RPS27A: variants seen among roughly 807,000 people sequenced by gnomAD.
RPS27A encodes ubiquitin-ribosomal protein eS31 fusion protein.
A neutral mutation model predicts 18.9 loss-of-function variants in RPS27A; 1 was observed. The ratio of observed to expected loss-of-function variants is 0.05; its 90% CI spans 0.02 to 0.25. The LOEUF (loss-of-function observed/expected upper bound fraction) is 0.25. Among genes scored for constraint, RPS27A ranks in the 10% least tolerant of loss-of-function variants. The probability of loss-of-function intolerance (pLI) is 1.00; values close to 1 mark genes in which losing one functional copy is unlikely to be tolerated. For missense variants in RPS27A, 123 were observed against 187.4 expected, an observed-to-expected ratio of 0.66 and a Z score of 2.01; for synonymous variants, 77 against 63.7, an observed-to-expected ratio of 1.21 and a Z score of -0.99.
intron 2 of RPS27A, 193 bp downstream of exon 2, chr2:55,233,065 T>G (rs1458388318): frequency 6.0e-6 from 4 of 671,932 alleles, no homozygotes; most frequent in Middle Eastern, 2.4e-4. Context: ...TGGACCTGTC[T>G]CCTCTCGAGG....
upstream of RPS27A, chr2:55,231,905 G>C (rs142943866): frequency 2.7e-3 from 408 of 152,230 alleles, 2 homozygotes; most frequent in Non-Finnish European, 4.7e-3. Context: ...TGACACACAA[G>C]ACCCAGACTC....
intron 4 of RPS27A, chr2:55,234,512 T>A (rs181077277): frequency 3.7e-6 from 2 of 544,860 alleles, no homozygotes; most frequent in Non-Finnish European, 6.6e-6. Context: ...TTCTGGACAT[T>A]TTGACACACA....
At position 55,232,813 on chromosome 2, in the gene RPS27A, G is replaced by A. The variant is rs779719702; in HGVS notation, c.-12G>A. The A allele has an allele frequency of 6.2e-7, 1 of 1,611,614 alleles. No homozygotes were observed. Among genetic ancestry groups the A allele is most frequent in the East Asian group, 2.2e-5 (1 of 44,838 alleles). On this transcript the variant is annotated 5_prime_UTR_variant, in exon 2 of 6. Coordinates refer to ENST00000272317, the MANE Select transcript of RPS27A (RefSeq NM_002954.6). ...TTCCTTTTCCTCAACCTCAGGTGGA[G>A]CCGCCACCAAAATGCAGATTTTCGT...
rs377730088 is a variant in RPS27A, at chr2:55,233,611, C to T, written c.103+194C>T. 1.3e-5 allele frequency: 8 copies of T among 616,430 alleles called. No individual in the cohort carries two copies. The East Asian group carries it at 1.4e-4, about 11-fold the overall frequency. 38.2% of individuals were successfully genotyped at this position (616,430 alleles called of 1,614,324 possible). On this transcript the variant is annotated intron_variant, in intron 3 of 5. Coordinates refer to ENST00000272317, the MANE Select transcript of RPS27A (RefSeq NM_002954.6). Reference sequence around the variant, plus strand: ...ATTGGAATCCTTGAGGTGTATTTCACTTGCGTGAATTTGGACACTTATTTA... The same window carrying T: ...ATTGGAATCCTTGAGGTGTATTTCATTTGCGTGAATTTGGACACTTATTTA...
At chr2:55,232,733 C>A (rs1675532391) in intron 1 of RPS27A, 25 bp downstream of exon 1, 2 of 1,205,468 alleles carry the variant, frequency 1.7e-6, no homozygotes, top group Admixed American at 2.0e-5. Flanking sequence ...TTCGGCTGCT[C>A]TCGGGTTAGC....
upstream of RPS27A, chr2:55,231,908 C>T (rs1252422180): frequency 6.6e-6 from 1 of 152,040 alleles, no homozygotes; most frequent in African/African-American, 2.4e-5. Flanking sequence ...CACACAAGAC[C>T]CAGACTCTTC....
intron 3 of RPS27A, chr2:55,233,659 C>G: frequency 1.9e-6 from 1 of 537,640 alleles, no homozygotes; most frequent in Non-Finnish European, 3.4e-6. Context: ...GAGATGGAGT[C>G]TCCTCTGTCG....
At chr2:55,233,156 C>T (rs1160947504) in intron 2 of RPS27A, 8 of 652,038 alleles carry the variant, frequency 1.2e-5, no homozygotes, top group Admixed American at 7.3e-5. Context: ...CACGTGTGGC[C>T]CTGCGGCCGC....
Position 55,233,404 on chromosome 2 carries a change from C to G in RPS27A, c.90C>G (p.Ile30Met), listed in dbSNP as rs1426814586. The change falls in exon 3 of 6, where the codon ATC becomes ATG. Residue 30 changes from isoleucine to methionine, a missense_variant. Physicochemically the swap from Ile to Met is conservative, Grantham distance 10. This residue lies in a region of RPS27A where 66 missense variants were observed against 72.6 expected (regional missense o/e 0.91). Coordinates refer to ENST00000272317, the MANE Select transcript of RPS27A (RefSeq NM_002954.6). ...CGATAGAAAATGTAAAGGCCAAGAT[C>G]CAGGATAAGGAAGGCAAGTAGTATT... The part of the protein sequence containing the change: ...SDTIENVKAK[I>M]QDKEGIPPDQ... The G allele has an allele frequency of 1.2e-6, 2 of 1,613,100 alleles. No homozygotes were observed. The highest frequency in any genetic ancestry group is 2.7e-5 in the African/African-American group (2 of 74,996).
At chr2:55,232,673 T>G (rs1573824477), upstream of RPS27A, 2 of 754,420 alleles carry the variant, frequency 2.7e-6, no homozygotes, top group African/African-American at 1.7e-5. Flanking sequence ...CCCGTGGGCC[T>G]GCGCGGCGTT....
chr2:55,232,599 C>A, upstream of RPS27A: 1 of 601,038 alleles, frequency 1.7e-6, no homozygotes, highest in South Asian at 1.9e-5. Context: ...GTCGCTGGGA[C>A]GGCAGTCAGG....
chr2:55,234,724 C>T (rs1573831653), intron 4 of RPS27A, 107 bp from the exon 5 acceptor site: 1 of 1,325,586 alleles, frequency 7.5e-7, no homozygotes, highest in Admixed American at 1.8e-5. Flanking sequence ...AAGATTCCCT[C>T]AAATGTTATT....
intron 4 of RPS27A, 169 bp from the exon 5 acceptor site, chr2:55,234,662 C>A: frequency 2.7e-6 from 2 of 735,886 alleles, no homozygotes; most frequent in Non-Finnish European, 4.6e-6. Flanking sequence ...TCTTTAATGT[C>A]CCTATAAACT....
Position 55,234,176 on chromosome 2 carries a change from G to A in RPS27A, c.161G>A (p.Arg54His), listed in dbSNP as rs1358069546. Residue 54 changes from arginine (R) to histidine (H), a missense_variant, in exon 4 of 6, where the codon CGT becomes CAT. Physicochemically the swap from Arg to His is conservative, Grantham distance 29. Around this residue, in one of 2 missense-constraint regions of RPS27A, gnomAD observed 66 missense variants for 72.6 expected, o/e 0.91. Coordinates refer to ENST00000272317, the MANE Select transcript of RPS27A (RefSeq NM_002954.6). Reference protein sequence around the residue: ...IFAGKQLEDGRTLSDYNIQKE... With the variant: ...IFAGKQLEDGHTLSDYNIQKE... ...GCTGGCAAGCAGCTGGAAGATGGAC[G>A]TACTTTGTCTGACTACAATATTCAA... The A allele has an allele frequency of 1.9e-6, 3 of 1,611,302 alleles. No individual in the cohort carries two copies. Among genetic ancestry groups the A allele is most frequent in the South Asian group, 1.1e-5 (1 of 91,042 alleles).
In RPS27A at chr2:55,235,768, C is replaced by T; in HGVS notation, c.*191C>T. On this transcript the variant is annotated 3_prime_UTR_variant, in exon 6 of 6. Transcript: ENST00000272317. ...TTCTGTATACCTGCCAGGTGCCAAC[C>T]ACTTGTAAAGGTCTTGATATTTTCA... 1 of 647,084 alleles carries T rather than the reference C, an allele frequency of 1.5e-6. No individual in the cohort carries two copies. The highest frequency in any genetic ancestry group is 2.5e-5 in the Admixed American group (1 of 40,514). 40.1% of individuals were successfully genotyped at this position (647,084 alleles called of 1,614,324 possible).
At chr2:55,234,780 T>A in intron 4 of RPS27A, 51 bp from the exon 5 acceptor site, 1 of 1,607,020 alleles carries the variant, frequency 6.2e-7, no homozygotes, top group Non-Finnish European at 8.5e-7. Flanking sequence ...ATGTTGGGTG[T>A]GCCCATTCTT....
rs192022169 is a variant in RPS27A at position 55,233,015 on chromosome 2, C to T, written c.48+143C>T. 4.4e-5 allele frequency: 34 copies of T among 766,922 alleles called. No individual in the cohort carries two copies. The East Asian group carries it at 7.2e-4, about 16-fold the overall frequency. 47.5% of individuals were successfully genotyped at this position (766,922 alleles called of 1,614,324 possible). The stretch of plus-strand genomic sequence containing the variant: ...TAAGCTTTGAAATGAGTACCTTTTG[C>T]TGAGCAACGACCTAGAGGTGATTTT... On this transcript the variant is annotated intron_variant, in intron 2 of 5. Transcript: ENST00000272317.
At chr2:55,234,051 A>G in intron 3 of RPS27A, 68 bp from the exon 4 acceptor site, 1 of 987,046 alleles carries the variant, frequency 1.0e-6, no homozygotes, top group Non-Finnish European at 1.6e-6. Flanking sequence ...AAGGGGTGTT[A>G]CCTTATAAGT....
upstream of RPS27A, chr2:55,232,502 G>C (rs1001042669): frequency 2.2e-6 from 1 of 451,276 alleles, no homozygotes; most frequent in Non-Finnish European, 4.1e-6. Flanking sequence ...AGTTTCGAAA[G>C]CATTCCGAAG....
Sources: gnomAD v4.1 joint callset for allele counts on GRCh38, gnomAD v4.1.1 for gene constraint, gnomAD v4.1.1 regional missense constraint, MANE v1.5 for transcripts, NCBI Gene and HGNC (gene_info 2026-07-23, HGNC 2026-07-21) for gene names.